Variants in CPXM2 observed in about 807,000 individuals in gnomAD.
The protein encoded by CPXM2 is inactive carboxypeptidase-like protein X2.
CPXM2 carries 66 observed loss-of-function variants against 86.1 expected under a neutral mutation model. The observed-to-expected ratio is 0.77, with a 90% confidence interval of 0.63 to 0.94. The LOEUF is 0.94. Among genes scored for constraint, CPXM2 ranks in the 40% least tolerant of loss-of-function variants. The probability of loss-of-function intolerance (pLI) is 0.00; values close to 1 mark genes in which losing one functional copy is unlikely to be tolerated. For missense variants in CPXM2, 948 were observed against 1,026.3 expected (o/e 0.92, Z 1.04); for synonymous variants, 388 against 400.2 (o/e 0.97, Z 0.36).
intron 9 of CPXM2, 138 bp downstream of exon 9, chr10:123,768,387 AT>A (rs1289369536): frequency 1.1e-4 from 17 of 149,006 alleles, no homozygotes; most frequent in Non-Finnish European, 1.9e-4. Context: ...AAATAAATAA[AT>A]AAATAAATAA....
chr10:123,828,391 A>G (rs141986266), intron 4 of CPXM2, among the ~76,000 whole-genome samples: 1,552 of 152,280 alleles, frequency 0.01, 16 homozygotes, highest in African/African-American at 0.036. Context: ...AGCTCCCACA[A>G]TTCCCATGTG....
intron 2 of CPXM2, among the ~76,000 whole-genome samples, chr10:123,867,256 A>G (rs745781261): frequency 1.6e-4 from 25 of 152,262 alleles, no homozygotes; most frequent in Non-Finnish European, 3.2e-4. Context: ...TCCCAAGCCC[A>G]TCTTAAAGAC....
intron 2 of CPXM2, among the ~76,000 whole-genome samples, chr10:123,907,195 C>T (rs532903933): frequency 6.6e-6 from 1 of 152,180 alleles, no homozygotes; most frequent in Non-Finnish European, 1.5e-5. Flanking sequence ...GCTGCCAACA[C>T]GATTTGCTAG....
intron 1 of CPXM2, among the ~76,000 whole-genome samples, chr10:123,883,574 A>G (rs76329616): frequency 0.051 from 7,707 of 152,300 alleles, 300 homozygotes; most frequent in East Asian, 0.11. Context: ...CCATCACAAA[A>G]AGCTATTCCA....
At chr10:123,811,271 T>C in intron 4 of CPXM2, among the ~76,000 whole-genome samples, 1 of 152,198 alleles carries the variant, frequency 6.6e-6, no homozygotes, top group African/African-American at 2.4e-5. Flanking sequence ...TTACATTAGG[T>C]ATATCTCCTA....
chr10:123,776,314 G>A (rs1846786828), intron 7 of CPXM2, among the ~76,000 whole-genome samples: 1 of 152,164 alleles, frequency 6.6e-6, no homozygotes, highest in African/African-American at 2.4e-5. Context: ...GGGTTTGCAA[G>A]ACTCTTGGTC....
chr10:123,818,459 C>T (rs867761121), intron 4 of CPXM2, among the ~76,000 whole-genome samples: 3 of 152,176 alleles, frequency 2.0e-5, no homozygotes, highest in Non-Finnish European at 4.4e-5. Flanking sequence ...TATATTGGAC[C>T]TCTTTCATCA....
intron 2 of CPXM2, among the ~76,000 whole-genome samples, chr10:123,914,308 C>A (rs1347645809): frequency 6.6e-6 from 1 of 152,220 alleles, no homozygotes; most frequent in East Asian, 1.9e-4. Context: ...ACCAGGCCTT[C>A]TCTGCCTCGT....
At chr10:123,839,839 C>T (rs1200601251) in intron 4 of CPXM2, among the ~76,000 whole-genome samples, 3 of 152,216 alleles carry the variant, frequency 2.0e-5, no homozygotes, top group African/African-American at 7.2e-5. Flanking sequence ...AACCAAAACT[C>T]ATCAGGTTTC....
chr10:123,874,655 G>A (rs773168923), intron 2 of CPXM2, among the ~76,000 whole-genome samples: 7 of 152,108 alleles, frequency 4.6e-5, no homozygotes, highest in Non-Finnish European at 8.8e-5. Context: ...CAGTAATACA[G>A]AATAAAGAGG....
intron 4 of CPXM2, among the ~76,000 whole-genome samples, chr10:123,812,835 C>T (rs1388315483): frequency 6.6e-6 from 1 of 152,140 alleles, no homozygotes; most frequent in Non-Finnish European, 1.5e-5. Context: ...CCCCATCCCC[C>T]ATCCCCACCA....
chr10:123,842,577 G>C lies in CPXM2; in HGVS notation c.514-89C>G, dbSNP rs960050632. 3 of 1,314,248 alleles carry C rather than the reference G, an allele frequency of 2.3e-6. No homozygotes were observed. In the African/African-American group the frequency reaches 4.4e-5, roughly 19 times the overall value. The allele number at this position is 1,314,248 out of a possible 1,614,324, so 81.4% of individuals were successfully genotyped here. ...TTTTCCTGAGGCTGAGAGGAAGGGA[G>C]GGAGGATAGGAGAAGAAAATGAGGA... is the stretch of plus-strand genomic sequence containing the variant. On this transcript the variant is annotated intron_variant, in intron 3 of 13. Coordinates refer to ENST00000241305, the MANE Select transcript of CPXM2 (RefSeq NM_198148.3).
rs1238742629 is a variant in CPXM2 at position 123,891,402 on chromosome 10, C to A, written c.258G>T (p.Lys86Asn). 6.4e-7 allele frequency: 1 copy of A among 1,568,018 alleles called. No homozygotes were observed. Among genetic ancestry groups the A allele is most frequent in the Admixed American group, 1.8e-5 (1 of 54,696 alleles). Residue 86 changes from lysine (K) to asparagine (N), a missense_variant, in exon 1 of 14, where the codon AAG becomes AAT. By Grantham distance (94) the Lys-to-Asn change is moderately conservative. Coordinates refer to ENST00000241305, the MANE Select transcript of CPXM2 (RefSeq NM_198148.3). This position sits in a 1 kb window ranked among gnomAD's most constrained non-coding sequence, Gnocchi z 5.6. ...PRPPKRATKP[K>N]KAPKREKSAP... is the part of the protein sequence containing the mutation. ...CCGACTTCTCCCTCTTGGGAGCTTT[C>A]TTGGGCTTGGTGGCCCTCTTGGGCG... is the stretch of plus-strand genomic sequence containing the variant.
chr10:123,853,065 C>T (rs1319063124), intron 3 of CPXM2, among the ~76,000 whole-genome samples: 1 of 152,076 alleles, frequency 6.6e-6, no homozygotes. Context: ...GGGTGGATCT[C>T]CCCCTTAGAA....
At chr10:123,787,245 C>G (rs1031765253) in intron 6 of CPXM2, among the ~76,000 whole-genome samples, 2 of 152,150 alleles carry the variant, frequency 1.3e-5, no homozygotes, top group Non-Finnish European at 2.9e-5. Context: ...AAGAGAAGAT[C>G]TAGGAAAGGT....
intron 4 of CPXM2, among the ~76,000 whole-genome samples, chr10:123,801,699 T>C (rs78825727): frequency 0.034 from 5,128 of 152,296 alleles, 271 homozygotes; most frequent in African/African-American, 0.11. Context: ...TATCTTAGTA[T>C]TAACAAAATC....
intron 6 of CPXM2, among the ~76,000 whole-genome samples, chr10:123,789,082 G>A (rs928553688): frequency 6.6e-6 from 1 of 152,088 alleles, no homozygotes; most frequent in Non-Finnish European, 1.5e-5. Context: ...GGTGTGAGCT[G>A]AGCACGAAAC....
At chr10:123,818,929 A>G (rs1847868599) in intron 4 of CPXM2, among the ~76,000 whole-genome samples, 1 of 151,954 alleles carries the variant, frequency 6.6e-6, no homozygotes, top group African/African-American at 2.4e-5. Context: ...ACTCACCATC[A>G]CCCCTAGTGA....
chr10:123,842,396 C>T lies in CPXM2; in HGVS notation c.606G>A (p.Leu202=). ...GAGTGATGACACCAGTGAATCTGGT[C>T]AGGCGCCGAGCATCCACTTCAATCC... ...QQWIEVDARR[L]TRFTGVITQG... The change falls in exon 4 of 14, where the codon CTG becomes CTA. Residue 202 remains leucine, a synonymous_variant. Coordinates refer to ENST00000241305, the MANE Select transcript of CPXM2 (RefSeq NM_198148.3). 2 of 1,614,228 alleles carry T rather than the reference C, an allele frequency of 1.2e-6. No homozygotes were observed. Among genetic ancestry groups the T allele is most frequent in the Non-Finnish European group, 1.7e-6 (2 of 1,180,042 alleles).
Sources: gnomAD v4.1 joint callset for allele counts (sites outside exome capture counted in the v4.1 genomes callset) on GRCh38, gnomAD v4.1.1 for gene constraint, Gnocchi (gnomAD v3.1) non-coding constraint, MANE v1.5 for transcripts, NCBI Gene and HGNC (gene_info 2026-07-23, HGNC 2026-07-21) for gene names.